The following NPAS3 variants were observed in gnomAD, a reference collection of about 807,000 sequenced individuals.
NPAS3 encodes the protein neuronal PAS domain protein 3.
NPAS3 carries 14 observed loss-of-function variants against 73.1 expected under a neutral mutation model. The ratio of observed to expected loss-of-function variants is 0.19; its 90% CI spans 0.13 to 0.30. The LOEUF (loss-of-function observed/expected upper bound fraction) is 0.30, where lower values mean the gene tolerates loss of function less well. Ranked by LOEUF, NPAS3 falls within the 10% of genes least tolerant of loss-of-function variation. The pLI is 1.00. For synonymous variants in NPAS3, 620 were observed against 541.5 expected (o/e 1.14, Z -2.01); for missense variants, 1,096 against 1,250.0 (o/e 0.88, Z 1.86).
chr14:33,457,531 T>A, intron 4 of NPAS3, among the ~76,000 whole-genome samples: 1 of 152,190 alleles, frequency 6.6e-6, no homozygotes, highest in Non-Finnish European at 1.5e-5. Context: ...CTCCCACTAC[T>A]GAGGAGGACA....
At chr14:33,404,398 C>A (rs1054338306) in intron 4 of NPAS3, among the ~76,000 whole-genome samples, 1 of 152,030 alleles carries the variant, frequency 6.6e-6, no homozygotes, top group South Asian at 2.1e-4. Context: ...TAAGATTTCC[C>A]TGATATAGTA....
At chr14:33,774,361 C>T (rs1400808469) in exon 8 of NPAS3, 2 of 1,613,904 alleles carry the variant, frequency 1.2e-6, no homozygotes, top group Non-Finnish European at 8.5e-7. Flanking sequence ...AGGCCGGCTA[C>T]GCCTGAGAGT....
At chr14:33,778,396 T>A in intron 8 of NPAS3, 70 bp from the exon 9 acceptor site, 1 of 1,131,350 alleles carries the variant, frequency 8.8e-7, no homozygotes, top group Non-Finnish European at 1.3e-6. Context: ...TAGAACTGTT[T>A]CTAAGTTATT....
chr14:33,164,968 A>C (rs1474547021), intron 2 of NPAS3, among the ~76,000 whole-genome samples: 1 of 151,868 alleles, frequency 6.6e-6, no homozygotes, highest in African/African-American at 2.4e-5. Flanking sequence ...GTATAGAGTT[A>C]TGAGAATTCA....
chr14:33,655,036 T>C (rs1245847529), intron 5 of NPAS3, among the ~76,000 whole-genome samples: 2 of 152,184 alleles, frequency 1.3e-5, no homozygotes, highest in Non-Finnish European at 2.9e-5. Context: ...CCCTGCAAGG[T>C]GGATGTAACT....
intron 4 of NPAS3, among the ~76,000 whole-genome samples, chr14:33,412,010 T>C (rs17101040): frequency 0.21 from 32,168 of 152,124 alleles, 3,584 homozygotes; most frequent in Admixed American, 0.29. Context: ...CTATACTATA[T>C]GGCACCCTAA....
chr14:32,950,759 G>A (rs1431103521), intron 1 of NPAS3, among the ~76,000 whole-genome samples: 3 of 152,160 alleles, frequency 2.0e-5, no homozygotes, highest in Admixed American at 2.0e-4. Context: ...CCCTTTTTAC[G>A]ATAGTGACAC....
intron 4 of NPAS3, among the ~76,000 whole-genome samples, chr14:33,474,125 G>A (rs2050912207): frequency 1.3e-5 from 2 of 152,262 alleles, no homozygotes; most frequent in South Asian, 4.1e-4. Context: ...TCAATGCAGG[G>A]TATTAAGCAG....
chr14:33,028,047 C>CT lies in NPAS3; in HGVS notation c.51-27852dup, dbSNP rs1566481634. ...ACACATAGTTACTCATAAAATGTCA[C>CT]TTTTTTATGAATTCAAGAAGTTTTT... On this transcript the variant is annotated intron_variant, in intron 1 of 11. Transcript: ENST00000356141. 5.9e-5 allele frequency among the ~76,000 whole-genome samples: 9 copies of CT among 152,234 alleles called. No homozygotes were observed. The South Asian group carries it at 1.9e-3, about 32-fold the overall frequency.
At chr14:33,544,788 T>TATTATATATATATATATATATATATATA (rs2054707565) in intron 4 of NPAS3, among the ~76,000 whole-genome samples, 1 of 63,256 alleles carries the variant, frequency 1.6e-5, no homozygotes, top group African/African-American at 8.6e-5. Flanking sequence ...TGTGTGTGTA[T>TATTATATATATATATATATATATATATA]TATATATATA....
chr14:33,021,053 T>G (rs1340683283), intron 1 of NPAS3, among the ~76,000 whole-genome samples: 1 of 152,172 alleles, frequency 6.6e-6, no homozygotes, highest in Non-Finnish European at 1.5e-5. Flanking sequence ...CGTGAGCCAC[T>G]GCACCCGGCC....
At chr14:33,670,257 G>T (rs572702538) in intron 5 of NPAS3, among the ~76,000 whole-genome samples, 3 of 152,128 alleles carry the variant, frequency 2.0e-5, no homozygotes, top group Admixed American at 6.5e-5. Context: ...AAAAGAGAGC[G>T]GATTCGTGTT....
At chr14:33,205,373 T>C (rs2046784710) in intron 2 of NPAS3, among the ~76,000 whole-genome samples, 1 of 152,218 alleles carries the variant, frequency 6.6e-6, no homozygotes, top group Non-Finnish European at 1.5e-5. Context: ...GCAATATGTT[T>C]GTTTACATAC....
chr14:32,961,431 A>C (rs1295616647), intron 1 of NPAS3, among the ~76,000 whole-genome samples: 1 of 151,904 alleles, frequency 6.6e-6, no homozygotes, highest in African/African-American at 2.4e-5. Context: ...AAAAAGAAAA[A>C]AAAAATTGAA....
chr14:33,325,263 C>T lies in NPAS3; in HGVS notation c.386-41923C>T, dbSNP rs374275170. On this transcript the variant is annotated intron_variant, in intron 3 of 11. Coordinates refer to ENST00000356141, the Ensembl canonical transcript of NPAS3. ...ATAGGCGTGCAGTGTGAAAGAATCA[C>T]GTCATGGAAAATGGGGTATCTGTCC... Among the ~76,000 whole-genome samples, 7 of 152,096 alleles carry T rather than the reference C, an allele frequency of 4.6e-5. No homozygotes were observed. In the East Asian group the frequency reaches 7.8e-4, roughly 17 times the overall value.
chr14:33,587,352 A>C (rs1415724756), intron 5 of NPAS3, among the ~76,000 whole-genome samples: 1 of 152,226 alleles, frequency 6.6e-6, no homozygotes, highest in Non-Finnish European at 1.5e-5. Context: ...TTAAGATGGC[A>C]GTCCAGTGTC....
chr14:33,617,569 A>G (rs1037599296), intron 5 of NPAS3, among the ~76,000 whole-genome samples: 1 of 152,178 alleles, frequency 6.6e-6, no homozygotes, highest in Non-Finnish European at 1.5e-5. Flanking sequence ...TAAACATGGC[A>G]TATTTGCTTT....
chr14:33,311,011 C>T (rs917969151), intron 3 of NPAS3, among the ~76,000 whole-genome samples: 2 of 152,032 alleles, frequency 1.3e-5, no homozygotes, highest in African/African-American at 4.8e-5. Flanking sequence ...AGGTTTGTGC[C>T]ACGTGGTGTA....
intron 5 of NPAS3, among the ~76,000 whole-genome samples, chr14:33,663,394 C>A (rs1246688046): frequency 1.3e-5 from 2 of 151,840 alleles, no homozygotes; most frequent in Non-Finnish European, 2.9e-5. Context: ...GTTGAACCAG[C>A]CTTGCATCCC....
Sources: gnomAD v4.1 joint callset for allele counts (sites outside exome capture counted in the v4.1 genomes callset) on GRCh38, gnomAD v4.1.1 for gene constraint, MANE v1.5 for transcripts, NCBI Gene and HGNC (gene_info 2026-07-23, HGNC 2026-07-21) for gene names.